FMN1: variants seen among roughly 807,000 people sequenced by gnomAD.
FMN1 encodes formin-1.
Under a neutral mutation model 132.4 loss-of-function variants are expected in FMN1, and 110 were observed. The observed-to-expected ratio is 0.83, with a 90% CI of 0.71 to 0.97. The LOEUF (loss-of-function observed/expected upper bound fraction) is 0.97. Among genes scored for constraint, FMN1 ranks in the 50% least tolerant of loss-of-function variants. FMN1 has a pLI of 0.00. For missense variants in FMN1, 1,792 were observed against 1,705.3 expected (o/e 1.05, Z -0.90); for synonymous variants, 722 against 651.7 (o/e 1.11, Z -1.64).
At chr15:32,964,902 A>T (rs2031047268) in intron 8 of FMN1, among the ~76,000 whole-genome samples, 1 of 152,154 alleles carries the variant, frequency 6.6e-6, no homozygotes, top group South Asian at 2.1e-4. Context: ...ATGGGATATC[A>T]TCTAAAGTAG....
chr15:32,844,002 T>A (rs968211003), intron 17 of FMN1, among the ~76,000 whole-genome samples: 1 of 152,096 alleles, frequency 6.6e-6, no homozygotes, highest in African/African-American at 2.4e-5. Flanking sequence ...AAAATTTAAA[T>A]AAAAAAACTG....
At chr15:32,853,801 A>T (rs1419866892) in intron 17 of FMN1, among the ~76,000 whole-genome samples, 1 of 152,178 alleles carries the variant, frequency 6.6e-6, no homozygotes, top group Admixed American at 6.5e-5. Context: ...ACGTAGCCCC[A>T]CTTGAGAGCC....
At chr15:33,171,625 G>A (rs2140321468) in intron 3 of FMN1, among the ~76,000 whole-genome samples, 1 of 152,200 alleles carries the variant, frequency 6.6e-6, no homozygotes, top group South Asian at 2.1e-4. Context: ...TATTAATGGA[G>A]GAAAAATGAA....
chr15:32,952,414 T>C (rs1362026429), intron 9 of FMN1, among the ~76,000 whole-genome samples: 2 of 152,210 alleles, frequency 1.3e-5, no homozygotes, highest in Non-Finnish European at 2.9e-5. Context: ...TTTATATAAA[T>C]CTTTCTTTGT....
chr15:32,820,516 C>A (rs61355906), intron 17 of FMN1, among the ~76,000 whole-genome samples: 1,612 of 150,758 alleles, frequency 0.011, 26 homozygotes, highest in African/African-American at 0.037. Flanking sequence ...TCTCCCCCAA[C>A]ACATATATAT....
chr15:32,819,130 A>G (rs559177253), intron 17 of FMN1, among the ~76,000 whole-genome samples: 1 of 152,316 alleles, frequency 6.6e-6, no homozygotes, highest in South Asian at 2.1e-4. Context: ...CACATGTTCA[A>G]CTGAGGCTGA....
rs1295441043 is a variant in FMN1, at chr15:32,773,585, G to A, written c.*725C>T. ...CCCAGAAAAACCACAAAGGACCGATGTAAAAACAAGAATGGGCCTCACTTA... is the reference window on the plus strand; with the variant it reads ...CCCAGAAAAACCACAAAGGACCGATATAAAAACAAGAATGGGCCTCACTTA... On this transcript the variant is annotated 3_prime_UTR_variant, in exon 21 of 21. Transcript: ENST00000616417. 1.3e-5 allele frequency: 2 copies of A among 152,182 alleles called. No homozygotes were observed. The highest frequency in any genetic ancestry group is 2.9e-5 in the Non-Finnish European group (2 of 68,066). 9.4% of individuals were successfully genotyped at this position (152,182 alleles called of 1,614,324 possible).
intron 17 of FMN1, among the ~76,000 whole-genome samples, chr15:32,842,901 A>AG (rs2141221871): frequency 6.6e-6 from 1 of 151,616 alleles, no homozygotes; most frequent in African/African-American, 2.4e-5. Context: ...CAAGGCGGGC[A>AG]GATCACCTGA....
chr15:32,836,963 A>AT (rs61128765), intron 17 of FMN1: 2,472 of 198,266 alleles, frequency 0.012, 7 homozygotes, highest in South Asian at 0.016. Flanking sequence ...AAATAGATGC[A>AT]TTTTTTTTTT....
At chr15:32,908,349 G>A (rs1259053337) in intron 12 of FMN1, 141 bp downstream of exon 12, 4 of 610,934 alleles carry the variant, frequency 6.5e-6, no homozygotes, top group Non-Finnish European at 8.8e-6. Context: ...TCATCCTGCT[G>A]CATGCAACAG....
chr15:32,831,541 G>C (rs907794504), intron 17 of FMN1, among the ~76,000 whole-genome samples: 1 of 152,166 alleles, frequency 6.6e-6, no homozygotes, highest in Non-Finnish European at 1.5e-5. Flanking sequence ...CTTTGCAGAG[G>C]CTGCAGGGGA....
intron 4 of FMN1, among the ~76,000 whole-genome samples, chr15:33,128,539 T>C (rs1209424014): frequency 2.0e-5 from 3 of 152,234 alleles, no homozygotes; most frequent in Admixed American, 6.5e-5. Context: ...ATATGTTAAG[T>C]AAACACATAC....
chr15:33,150,048 G>C, intron 4 of FMN1: 1 of 985,434 alleles, frequency 1.0e-6, no homozygotes. Context: ...TGGAGCATAT[G>C]CTTCCATCAC....
intron 11 of FMN1, among the ~76,000 whole-genome samples, chr15:32,910,039 T>C (rs979533973): frequency 6.6e-6 from 1 of 152,062 alleles, no homozygotes; most frequent in Non-Finnish European, 1.5e-5. Flanking sequence ...CCAAAACACA[T>C]ACCTACCATT....
chr15:33,019,894 G>A lies in FMN1; in HGVS notation c.2162-11819C>T, dbSNP rs574937070. On this transcript the variant is annotated intron_variant, in intron 6 of 20. Coordinates refer to ENST00000616417, the MANE Select transcript of FMN1 (RefSeq NM_001277313.2). ...CCCGCAAGCGGAGGGAGCCGGCTCCGGCCTCAGCCAGCCCAGAGAAGGGCT... is the reference window on the plus strand; with the variant it reads ...CCCGCAAGCGGAGGGAGCCGGCTCCAGCCTCAGCCAGCCCAGAGAAGGGCT... Among the ~76,000 whole-genome samples, 248 of 152,250 alleles carry A rather than the reference G, an allele frequency of 1.6e-3. 2 individuals are homozygous for A. The highest frequency in any genetic ancestry group is 2.6e-3 in the Non-Finnish European group (179 of 68,006).
At chr15:32,872,407 T>G (rs1048811192) in intron 16 of FMN1, among the ~76,000 whole-genome samples, 3 of 152,240 alleles carry the variant, frequency 2.0e-5, no homozygotes, top group African/African-American at 7.2e-5. Context: ...AGTTGTTAGC[T>G]AGAACGCCTC....
Position 33,153,952 on chromosome 15 carries a change from G to C in FMN1, c.963C>G (p.Cys321Trp), listed in dbSNP as rs572159388. The C allele has an allele frequency of 1.4e-5, 22 of 1,536,636 alleles. No individual in the cohort carries two copies. Among genetic ancestry groups the C allele is most frequent in the Non-Finnish European group, 1.8e-5 (21 of 1,147,060 alleles). ...DEMEKPAKRT[C>W]KQKPVSKVVA... ...CCACTTTGGAGACAGGTTTCTGCTT[G>C]CAAGTCCGCTTAGCCGGCTTCTCCA... Residue 321 changes from cysteine to tryptophan, a missense_variant, in exon 4 of 21, where the codon TGC becomes TGG. By Grantham distance (215) the Cys-to-Trp change is radical. Coordinates refer to ENST00000616417, the MANE Select transcript of FMN1 (RefSeq NM_001277313.2).
intron 16 of FMN1, among the ~76,000 whole-genome samples, chr15:32,874,001 C>T (rs979355772): frequency 7.1e-6 from 1 of 140,678 alleles, no homozygotes; most frequent in Non-Finnish European, 1.6e-5. Flanking sequence ...TTATGATTCA[C>T]AATTTTATTT....
chr15:32,817,811 C>A (rs1054436183), intron 17 of FMN1, among the ~76,000 whole-genome samples: 13 of 152,286 alleles, frequency 8.5e-5, no homozygotes, highest in African/African-American at 3.1e-4. Flanking sequence ...TCCAGAGTCA[C>A]CTTTCAATCA....
Sources: gnomAD v4.1 joint callset for allele counts (sites outside exome capture counted in the v4.1 genomes callset) on GRCh38, gnomAD v4.1.1 for gene constraint, MANE v1.5 for transcripts, NCBI Gene and HGNC (gene_info 2026-07-23, HGNC 2026-07-21) for gene names.